Variants in AP1G1 observed in about 807,000 individuals in gnomAD.
The protein encoded by AP1G1 is AP-1 complex subunit gamma-1.
A neutral mutation model predicts 108.3 loss-of-function variants in AP1G1; 7 were observed. The observed-to-expected ratio is 0.06, with a 90% CI of 0.04 to 0.12. The LOEUF (loss-of-function observed/expected upper bound fraction) is 0.12. Ranked by LOEUF, AP1G1 falls within the 10% of genes least tolerant of loss-of-function variation. The probability of loss-of-function intolerance (pLI) is 1.00; values close to 1 mark genes in which losing one functional copy is unlikely to be tolerated. For synonymous variants in AP1G1, 379 were observed against 353.5 expected, an observed-to-expected ratio of 1.07 and a Z score of -0.81; for missense variants, 756 against 1,010.7, an observed-to-expected ratio of 0.75 and a Z score of 3.42.
At chr16:71,792,333 G>GA (rs2032434786) in intron 1 of AP1G1, among the ~76,000 whole-genome samples, 1 of 152,092 alleles carries the variant, frequency 6.6e-6, no homozygotes, top group African/African-American at 2.4e-5. Context: ...AAATCAGACT[G>GA]AAAGAGAAGA....
intron 1 of AP1G1, among the ~76,000 whole-genome samples, chr16:71,796,182 T>A (rs1409458538): frequency 6.6e-6 from 1 of 152,144 alleles, no homozygotes; most frequent in Non-Finnish European, 1.5e-5. Flanking sequence ...TGGGTTGCAG[T>A]GAGCTGAGAT....
intron 9 of AP1G1, among the ~76,000 whole-genome samples, chr16:71,761,781 T>TA (rs1331129269): frequency 7.6e-6 from 1 of 131,856 alleles, no homozygotes; most frequent in African/African-American, 3.0e-5. Context: ...CATACCACTG[T>TA]ATTCCAGTCG....
intron 1 of AP1G1, among the ~76,000 whole-genome samples, chr16:71,805,575 A>C (rs2142291843): frequency 6.6e-6 from 1 of 152,348 alleles, no homozygotes; most frequent in South Asian, 2.1e-4. Flanking sequence ...TTTTGATAGC[A>C]ATTAAGTCCT....
At chr16:71,780,421 T>G (rs1413094875) in intron 2 of AP1G1, among the ~76,000 whole-genome samples, 1 of 151,478 alleles carries the variant, frequency 6.6e-6, no homozygotes, top group Non-Finnish European at 1.5e-5. Flanking sequence ...GAGCCTCCTG[T>G]TGAAGGCTGC....
At chr16:71,768,192 T>A (rs1372202896) in intron 6 of AP1G1, among the ~76,000 whole-genome samples, 2 of 99,826 alleles carry the variant, frequency 2.0e-5, no homozygotes, top group Non-Finnish European at 4.0e-5. Flanking sequence ...AATACTAGTT[T>A]AAAAAAAAAA....
At chr16:71,787,256 T>G (rs529548085) in intron 2 of AP1G1, among the ~76,000 whole-genome samples, 17 of 143,042 alleles carry the variant, frequency 1.2e-4, no homozygotes, top group Admixed American at 2.9e-4. Flanking sequence ...TAGGTGGAGG[T>G]TGAAGTGAGC....
chr16:71,793,446 T>C (rs1006535410), intron 1 of AP1G1, among the ~76,000 whole-genome samples: 16 of 151,984 alleles, frequency 1.1e-4, no homozygotes, highest in African/African-American at 2.9e-4. Context: ...ACCCAGGAGA[T>C]AGAAACTGCT....
intron 6 of AP1G1, chr16:71,767,785 A>G (rs1009694195): frequency 2.4e-6 from 3 of 1,246,382 alleles, no homozygotes; most frequent in East Asian, 4.7e-5. Context: ...CAGCATTAGT[A>G]TATTTTAAAA....
chr16:71,750,482 T>C lies in AP1G1; in HGVS notation c.1285-150A>G. 4.7e-6 allele frequency: 4 copies of C among 844,602 alleles called. No individual in the cohort carries two copies. In the South Asian group the frequency reaches 5.2e-5, roughly 11 times the overall value. 52.3% of individuals were successfully genotyped at this position (844,602 alleles called of 1,614,324 possible). On this transcript the variant is annotated intron_variant, in intron 13 of 22. Transcript: ENST00000299980. The stretch of plus-strand genomic sequence containing the variant: ...CAGGCTGGAGTGCGATAGCGCGATC[T>C]TGGCTCACTGCAACCTCCACCTCCC...
At chr16:71,739,441 A>T in intron 19 of AP1G1, 100 bp from the exon 20 acceptor site, 5 of 926,586 alleles carry the variant, frequency 5.4e-6, no homozygotes, top group Non-Finnish European at 7.9e-6. Flanking sequence ...TTAAGGAAAG[A>T]TTCCTTAAAC....
intron 17 of AP1G1, among the ~76,000 whole-genome samples, chr16:71,746,050 G>A (rs28663433): frequency 2.1e-4 from 32 of 151,244 alleles, no homozygotes; most frequent in African/African-American, 4.4e-4. Context: ...TTGCTCTGTC[G>A]CCAGGCTGGA....
intron 6 of AP1G1, among the ~76,000 whole-genome samples, chr16:71,768,266 G>C (rs1445469914): frequency 6.6e-6 from 1 of 151,264 alleles, no homozygotes; most frequent in Non-Finnish European, 1.5e-5. Context: ...AGGAGGCTGA[G>C]GCGGGTGGAT....
At position 71,761,507 on chromosome 16, in the gene AP1G1, CT is replaced by C; in HGVS notation, c.974+4del. 6.4e-7 allele frequency: 1 copy of C among 1,570,400 alleles called. No homozygotes were observed. The highest frequency in any genetic ancestry group is 8.8e-7 in the Non-Finnish European group (1 of 1,141,192). On this transcript the variant is annotated splice_donor_region_variant and intron_variant, in intron 10 of 22. Coordinates refer to ENST00000299980, the MANE Select transcript of AP1G1 (RefSeq NM_001128.6). ...AAGATAAAAGACATATTTCAGTTAA[CT>C]TACCTAATATTCTTGTCATTGTTCA...
intron 2 of AP1G1, among the ~76,000 whole-genome samples, chr16:71,784,307 C>A (rs1352814801): frequency 6.6e-6 from 1 of 152,132 alleles, no homozygotes; most frequent in African/African-American, 2.4e-5. Flanking sequence ...TTGCTCAAAG[C>A]CAGAAGTCAC....
intron 16 of AP1G1, among the ~76,000 whole-genome samples, chr16:71,747,834 T>C (rs1195275463): frequency 6.6e-6 from 1 of 151,890 alleles, no homozygotes; most frequent in Non-Finnish European, 1.5e-5. Context: ...AATGTAAAAA[T>C]TAGCCAGGCA....
At chr16:71,748,841 G>A (rs1364875997) in intron 15 of AP1G1, among the ~76,000 whole-genome samples, 2 of 152,068 alleles carry the variant, frequency 1.3e-5, no homozygotes, top group African/African-American at 4.8e-5. Flanking sequence ...AGAGACTTGG[G>A]CCTAAAGTGG....
At chr16:71,756,930 C>CAA (rs551372939) in intron 11 of AP1G1, among the ~76,000 whole-genome samples, 121 of 67,824 alleles carry the variant, frequency 1.8e-3, no homozygotes, top group East Asian at 4.8e-3. Context: ...GACTCTGTCT[C>CAA]AAAAAAAAAA....
At chr16:71,774,340 G>T in intron 3 of AP1G1, 128 bp downstream of exon 3, 1 of 931,322 alleles carries the variant, frequency 1.1e-6, no homozygotes, top group Non-Finnish European at 1.6e-6. Context: ...AGCGGAGGAG[G>T]ATGCAGTGAG....
At position 71,777,600 on chromosome 16, in the gene AP1G1, C is replaced by T. The variant is rs940429940; in HGVS notation, c.202-3008G>A. 4.7e-5 allele frequency: 19 copies of T among 400,566 alleles called. No individual in the cohort carries two copies. The Middle Eastern group carries it at 2.7e-3, about 57-fold the overall frequency. The allele number at this position is 400,566 out of a possible 1,614,324, so 24.8% of individuals were successfully genotyped here. A position where few individuals can be genotyped will look rare whatever the true frequency, so the allele number is the denominator to read the frequency against. On this transcript the variant is annotated intron_variant, in intron 2 of 22. Transcript: ENST00000299980. The stretch of plus-strand genomic sequence containing the variant: ...CTCCCATCCCCAGCCTGTTGGCAGG[C>T]GGTCATGCCGATGCCCCATTCTGTC...
Sources: allele counts gnomAD v4.1 joint callset (sites outside exome capture counted in the v4.1 genomes callset), GRCh38; gene constraint gnomAD v4.1.1; transcripts MANE v1.5; gene names NCBI Gene and HGNC (gene_info 2026-07-23, HGNC 2026-07-21).